EZH2: variants seen among roughly 807,000 people sequenced by gnomAD.
EZH2 encodes enhancer of zeste 2 polycomb repressive complex 2 subunit.
Under a neutral mutation model 98.4 loss-of-function variants are expected in EZH2, and 18 were observed. That is an observed-to-expected ratio of 0.18 (90% CI 0.13 to 0.27). The LOEUF (loss-of-function observed/expected upper bound fraction) is 0.27. EZH2 is among the 10% of genes least tolerant of loss of function. EZH2 has a pLI of 1.00. For missense variants in EZH2, 470 were observed against 935.1 expected, an observed-to-expected ratio of 0.50 and a Z score of 6.49; for synonymous variants, 338 against 312.3, an observed-to-expected ratio of 1.08 and a Z score of -0.87.
At chr7:148,855,384 T>G (rs1331371792) in intron 1 of EZH2, among the ~76,000 whole-genome samples, 2 of 152,016 alleles carry the variant, frequency 1.3e-5, no homozygotes, top group Non-Finnish European at 2.9e-5. Context: ...AAAGCAAGAG[T>G]TTGGACTCCA....
chr7:148,847,884 C>A (rs765754554), intron 1 of EZH2, among the ~76,000 whole-genome samples: 1 of 152,176 alleles, frequency 6.6e-6, no homozygotes, highest in Non-Finnish European at 1.5e-5. Context: ...CTTGTGCCAC[C>A]TTTATTAACA....
chr7:148,881,831 G>A (rs977419490), intron 1 of EZH2, among the ~76,000 whole-genome samples: 5 of 151,774 alleles, frequency 3.3e-5, no homozygotes, highest in African/African-American at 1.2e-4. Flanking sequence ...CTACTCGGGA[G>A]GCTGAGGCAG....
intron 1 of EZH2, among the ~76,000 whole-genome samples, chr7:148,868,556 G>A (rs1818871645): frequency 6.6e-6 from 1 of 152,094 alleles, no homozygotes; most frequent in Admixed American, 6.6e-5. Flanking sequence ...CCAACTTTGG[G>A]GATTACAATT....
chr7:148,877,918 T>G (rs565934774), intron 1 of EZH2, among the ~76,000 whole-genome samples: 88 of 152,296 alleles, frequency 5.8e-4, no homozygotes, highest in African/African-American at 2.1e-3. Flanking sequence ...GTAGATAATA[T>G]GTAGTGAAAC....
chr7:148,816,214 C>T lies in EZH2; in HGVS notation c.1505+470G>A, dbSNP rs1281220341. Among the ~76,000 whole-genome samples the T allele has an allele frequency of 3.9e-5, 6 of 152,124 alleles. 1 individual carries two copies. The highest frequency in any genetic ancestry group is 4.1e-4 in the South Asian group (2 of 4,820). ...CAAATCAAATCAGCCTGAAAACATT[C>T]GCTAAGGTGAAAATAACATTCACAC... is the stretch of plus-strand genomic sequence containing the variant. On this transcript the variant is annotated intron_variant, in intron 12 of 19. Transcript: ENST00000320356.
chr7:148,862,569 T>C (rs771030706), intron 1 of EZH2, among the ~76,000 whole-genome samples: 23 of 152,198 alleles, frequency 1.5e-4, no homozygotes, highest in East Asian at 1.9e-4. Context: ...TGAATAATCA[T>C]GGTTTGTCAG....
intron 1 of EZH2, among the ~76,000 whole-genome samples, chr7:148,864,183 T>C (rs1286800160): frequency 6.6e-6 from 1 of 152,182 alleles, no homozygotes; most frequent in Non-Finnish European, 1.5e-5. Flanking sequence ...TAAGATCACT[T>C]TCCTCCTTCC....
At chr7:148,858,750 A>G (rs1161278758) in intron 1 of EZH2, among the ~76,000 whole-genome samples, 2 of 152,110 alleles carry the variant, frequency 1.3e-5, no homozygotes, top group African/African-American at 4.8e-5. Flanking sequence ...CAGGCTGGTA[A>G]TTCCACTGTT....
At chr7:148,879,873 G>A (rs565845104) in intron 1 of EZH2, among the ~76,000 whole-genome samples, 1 of 151,338 alleles carries the variant, frequency 6.6e-6, no homozygotes, top group Non-Finnish European at 1.5e-5. Context: ...AAGAGGCCAA[G>A]GCAGGAGGAT....
chr7:148,877,390 G>C (rs1820316605), intron 1 of EZH2, among the ~76,000 whole-genome samples: 1 of 152,158 alleles, frequency 6.6e-6, no homozygotes, highest in South Asian at 2.1e-4. Context: ...ATTTTAACTT[G>C]AGAAGTGTTT....
chr7:148,825,404 C>T (rs892353172), intron 8 of EZH2, among the ~76,000 whole-genome samples: 5 of 152,166 alleles, frequency 3.3e-5, no homozygotes, highest in South Asian at 2.1e-4. Context: ...TAAAAATCTA[C>T]TTCAAGTTTT....
At chr7:148,829,582 G>A (rs1808737075) in intron 5 of EZH2, 146 bp downstream of exon 5, 3 of 768,248 alleles carry the variant, frequency 3.9e-6, no homozygotes, top group Non-Finnish European at 3.9e-6. Flanking sequence ...AAAATCTTAG[G>A]CCTGGGCCCA....
intron 1 of EZH2, among the ~76,000 whole-genome samples, chr7:148,855,204 A>G (rs1816612514): frequency 6.6e-6 from 1 of 152,272 alleles, no homozygotes; most frequent in Admixed American, 6.5e-5. Context: ...GCCATGTTCT[A>G]GCTCAGCAGA....
chr7:148,875,323 C>G (rs1326298115), intron 1 of EZH2, among the ~76,000 whole-genome samples: 2 of 152,000 alleles, frequency 1.3e-5, no homozygotes, highest in South Asian at 4.2e-4. Context: ...TAAAAATACA[C>G]AAAATCAAAC....
chr7:148,829,624 T>TA, intron 5 of EZH2, 104 bp downstream of exon 5: 1 of 1,293,738 alleles, frequency 7.7e-7, no homozygotes, highest in African/African-American at 1.5e-5. Context: ...GTGCAAAACT[T>TA]AATTTTAATA....
At chr7:148,828,119 A>G (rs1808257897) in intron 6 of EZH2, among the ~76,000 whole-genome samples, 1 of 152,212 alleles carries the variant, frequency 6.6e-6, no homozygotes. Flanking sequence ...CTCCGTCTCG[A>G]AAAAGAAAAT....
At chr7:148,837,718 G>C (rs1811265391) in intron 3 of EZH2, among the ~76,000 whole-genome samples, 1 of 152,104 alleles carries the variant, frequency 6.6e-6, no homozygotes, top group African/African-American at 2.4e-5. Context: ...AAAGAAATGA[G>C]TCGCTCCAAC....
intron 3 of EZH2, chr7:148,836,809 T>C (rs1168093942): frequency 4.1e-6 from 2 of 493,174 alleles, no homozygotes; most frequent in South Asian, 1.5e-5. Flanking sequence ...CCTCTGAGGA[T>C]GGATAGACTT....
At chr7:148,852,527 A>C (rs1816019594) in intron 1 of EZH2, among the ~76,000 whole-genome samples, 1 of 152,182 alleles carries the variant, frequency 6.6e-6, no homozygotes, top group Admixed American at 6.5e-5. Flanking sequence ...ACACGGCCAC[A>C]ATCAGTGCAG....
Sources: gnomAD v4.1 joint callset for allele counts (sites outside exome capture counted in the v4.1 genomes callset) on GRCh38, gnomAD v4.1.1 for gene constraint, MANE v1.5 for transcripts, NCBI Gene and HGNC (gene_info 2026-07-23, HGNC 2026-07-21) for gene names.